INPP5J: variants seen among roughly 807,000 people sequenced by gnomAD.
INPP5J encodes phosphatidylinositol 4,5-bisphosphate 5-phosphatase A.
In INPP5J, 75 loss-of-function variants were observed where a neutral mutation model predicts 86.6. The observed-to-expected ratio is 0.87, with a 90% CI of 0.72 to 1.05. The LOEUF (loss-of-function observed/expected upper bound fraction) is 1.05, where lower values mean the gene tolerates loss of function less well. Among genes scored for constraint, INPP5J ranks in the 50% least tolerant of loss-of-function variants. The pLI is 0.00. For synonymous variants in INPP5J, 540 were observed against 550.0 expected, an observed-to-expected ratio of 0.98 and a Z score of 0.25; for missense variants, 1,229 against 1,341.2, an observed-to-expected ratio of 0.92 and a Z score of 1.31.
intron 2 of INPP5J, 95 bp from the exon 3 acceptor site, chr22:31,126,281 T>A: frequency 1.8e-6 from 2 of 1,084,364 alleles, no homozygotes; most frequent in Non-Finnish European, 2.7e-6. Context: ...GGCCCACACC[T>A]GCCTCCATTT....
chr22:31,132,169 A>C (rs1922115801), intron 9 of INPP5J, among the ~76,000 whole-genome samples: 2 of 152,168 alleles, frequency 1.3e-5, no homozygotes, highest in African/African-American at 2.4e-5. Flanking sequence ...GAACCTTGGG[A>C]TGGTTAGAGC....
Position 31,132,940 on chromosome 22 carries a change from C to G in INPP5J, c.2194-158C>G, listed in dbSNP as rs138387555. ...CCCTGGGCTGGGAGGCAGCACAGGGCTTGGTATTTATACTAGACCTGTTCT... is the reference window on the plus strand; with the variant it reads ...CCCTGGGCTGGGAGGCAGCACAGGGGTTGGTATTTATACTAGACCTGTTCT... On this transcript the variant is annotated intron_variant, in intron 9 of 12. Coordinates refer to ENST00000331075, the MANE Select transcript of INPP5J (RefSeq NM_001284285.2). Among the ~76,000 whole-genome samples, 301 of 152,256 alleles carry G rather than the reference C, an allele frequency of 2.0e-3. 2 individuals are homozygous for G. Among genetic ancestry groups the G allele is most frequent in the African/African-American group, 7.1e-3 (295 of 41,548 alleles).
At position 31,128,276 on chromosome 22, in the gene INPP5J, C is replaced by T. The variant is rs752045156; in HGVS notation, c.1962C>T (p.Phe654=). Residue 654 remains phenylalanine (F), a synonymous_variant, in exon 8 of 13, where the codon TTC becomes TTT. Coordinates refer to ENST00000331075, the MANE Select transcript of INPP5J (RefSeq NM_001284285.2). ...LKGFQEGPLN[F]APTFKFDVGT... ...GCTTTCAGGAGGGGCCCCTCAACTT[C>T]GCTCCCACCTTCAAGTTTGATGTGG... 5.0e-6 allele frequency: 8 copies of T among 1,600,740 alleles called. No individual in the cohort carries two copies. The highest frequency in any genetic ancestry group is 2.3e-5 in the East Asian group (1 of 44,394).
chr22:31,128,736 A>G, intron 9 of INPP5J, 82 bp downstream of exon 9: 3 of 1,240,200 alleles, frequency 2.4e-6, no homozygotes, highest in Non-Finnish European at 3.4e-6. Flanking sequence ...TACCCTTTGT[A>G]TAACCCCTTG....
intron 6 of INPP5J, 153 bp downstream of exon 6, chr22:31,127,685 TGGATGGGGAG>T: frequency 1.2e-6 from 1 of 857,460 alleles, no homozygotes; most frequent in Non-Finnish European, 1.8e-6. Flanking sequence ...AGAGAGCAGT[TGGATGGGGAG>T]GGGCGGAGCT....
At position 31,133,416 on chromosome 22, in the gene INPP5J, G is replaced by T; in HGVS notation, c.2342G>T (p.Arg781Leu). Reference protein sequence around the residue: ...DWIGLYRVGFRHCKDYVAYVW... With the variant: ...DWIGLYRVGFLHCKDYVAYVW... The stretch of plus-strand genomic sequence containing the variant: ...ACACTGATCCCCCAGGTGGGTTTCC[G>T]CCATTGCAAGGACTATGTGGCTTAT... Residue 781 changes from arginine (R) to leucine (L), a missense_variant, in exon 11 of 13, where the codon CGC (arginine) becomes CTC (leucine). Arg to Leu is a moderately radical substitution (Grantham distance 102). Coordinates refer to ENST00000331075, the MANE Select transcript of INPP5J (RefSeq NM_001284285.2). 6.2e-7 allele frequency: 1 copy of T among 1,613,846 alleles called. No individual in the cohort carries two copies. The highest frequency in any genetic ancestry group is 8.5e-7 in the Non-Finnish European group (1 of 1,179,810).
intron 9 of INPP5J, among the ~76,000 whole-genome samples, chr22:31,131,529 C>T (rs1922062192): frequency 6.6e-6 from 1 of 151,672 alleles, no homozygotes; most frequent in Admixed American, 6.6e-5. Context: ...CACCACTGCA[C>T]TCCAGCCTGG....
Position 31,125,111 on chromosome 22 carries a change from T to TC in INPP5J, c.377dup (p.Ala127SerfsTer66). ...TGTCTGCCTCAGCTGGACCAAAGCC[T>TC]CCCCCAGCGACCACAGGCTCAGTTC... is the stretch of plus-strand genomic sequence containing the variant. On this transcript the variant is annotated frameshift_variant, in exon 2 of 13. Coordinates refer to ENST00000331075, the MANE Select transcript of INPP5J (RefSeq NM_001284285.2). LOFTEE classifies it high-confidence loss of function. 1 of 1,549,664 alleles carries TC rather than the reference T, an allele frequency of 6.5e-7. No individual in the cohort carries two copies. Among genetic ancestry groups the TC allele is most frequent in the Non-Finnish European group, 8.7e-7 (1 of 1,146,926 alleles).
At position 31,134,537 on chromosome 22, in the gene INPP5J, C is replaced by T; in HGVS notation, c.*118C>T. 1 of 1,135,840 alleles carries T rather than the reference C, an allele frequency of 8.8e-7. No homozygotes were observed. Among genetic ancestry groups the T allele is most frequent in the Non-Finnish European group, 1.2e-6 (1 of 849,446 alleles). The allele number at this position is 1,135,840 out of a possible 1,614,324, so 70.4% of individuals were successfully genotyped here. The stretch of plus-strand genomic sequence containing the variant: ...ATCTGCACCTGCCTCTCTGTCCTGG[C>T]CAGGGGTGGACAACTGGGGTCCCCC... On this transcript the variant is annotated 3_prime_UTR_variant, in exon 13 of 13. Transcript: ENST00000331075.
intron 2 of INPP5J, 77 bp downstream of exon 2, chr22:31,126,087 G>T (rs1442925723): frequency 7.6e-7 from 1 of 1,308,028 alleles, no homozygotes; most frequent in East Asian, 2.5e-5. Flanking sequence ...TGGATGGTGT[G>T]CTCTACCTCA....
rs1422914563 is a variant in INPP5J, at chr22:31,126,704, C to T, written c.1477C>T (p.Pro493Ser). Residue 493 changes from proline to serine, a missense_variant, in exon 4 of 13, where the codon CCC (proline) becomes TCC (serine). By Grantham distance (74) the Pro-to-Ser change is moderately conservative. Transcript: ENST00000331075. ...TGAGCTGTTCATGGATGCGCTAGGG[C>T]CCTTCAACTTCGTGCTGGTAACGCA... ...WSELFMDALG[P>S]FNFVLVSSVR... 6.2e-7 allele frequency: 1 copy of T among 1,613,472 alleles called. No homozygotes were observed. The highest frequency in any genetic ancestry group is 8.5e-7 in the Non-Finnish European group (1 of 1,179,420).
In INPP5J at chr22:31,125,609, C is replaced by T. The variant is rs41282561; in HGVS notation, c.870C>T (p.Ser290=). 4 of 1,550,554 alleles carry T rather than the reference C, an allele frequency of 2.6e-6. No individual in the cohort carries two copies. Among genetic ancestry groups the T allele is most frequent in the Non-Finnish European group, 3.5e-6 (4 of 1,146,992 alleles). ...GAGCCCGGCCTGAGGCCCTCCACAG[C>T]AGCCCTGAGGATCCTGTTTTGCCAC... is the stretch of plus-strand genomic sequence containing the variant. ...SFRARPEALH[S]SPEDPVLPRP... The change falls in exon 2 of 13, where the codon AGC becomes AGT. Residue 290 remains serine, a synonymous_variant. Transcript: ENST00000331075.
At position 31,128,288 on chromosome 22, in the gene INPP5J, C is replaced by G. The variant is rs767684962; in HGVS notation, c.1974C>G (p.Phe658Leu). The change falls in exon 8 of 13, where the codon TTC becomes TTG. Residue 658 changes from phenylalanine to leucine, a missense_variant. Physicochemically the swap from Phe to Leu is conservative, Grantham distance 22. Transcript: ENST00000331075. ...QEGPLNFAPT[F>L]KFDVGTNKYD... ...GGCCCCTCAACTTCGCTCCCACCTT[C>G]AAGTTTGATGTGGGTACCAACAAAT... 3.1e-6 allele frequency: 5 copies of G among 1,598,842 alleles called. No individual in the cohort carries two copies. The Admixed American group carries it at 8.7e-5, about 28-fold the overall frequency.
chr22:31,126,502 G>A lies in INPP5J; in HGVS notation c.1385+13G>A, dbSNP rs370645802. 3.9e-5 allele frequency: 63 copies of A among 1,611,746 alleles called. No individual in the cohort carries two copies. Among genetic ancestry groups the A allele is most frequent in the Non-Finnish European group, 3.1e-5 (37 of 1,178,362 alleles). On this transcript the variant is annotated intron_variant, in intron 3 of 12. Coordinates refer to ENST00000331075, the MANE Select transcript of INPP5J (RefSeq NM_001284285.2). ...TGATCGCCATAGGGTGAGGTGGCAG[G>A]GCATGTGGACCCCCTCCTGAGCCCC...
chr22:31,126,353 C>T (rs769149317), intron 2 of INPP5J, 23 bp from the exon 3 acceptor site: 5 of 1,570,398 alleles, frequency 3.2e-6, no homozygotes, highest in Non-Finnish European at 3.5e-6. Flanking sequence ...CAGGACTACA[C>T]CCTCATATGC....
rs1922435115 is a variant in INPP5J, at chr22:31,134,656, A to G, written c.*237A>G. ...TGGGAGAGCTCTGGCAGATGTCCCA[A>G]TCCTGGAGGTCATCCATTAGGAATT... On this transcript the variant is annotated 3_prime_UTR_variant, in exon 13 of 13. Coordinates refer to ENST00000331075, the MANE Select transcript of INPP5J (RefSeq NM_001284285.2). 2.4e-6 allele frequency: 1 copy of G among 411,882 alleles called. No individual in the cohort carries two copies. The allele number at this position is 411,882 out of a possible 1,614,324, so 25.5% of individuals were successfully genotyped here.
intron 9 of INPP5J, among the ~76,000 whole-genome samples, chr22:31,131,576 A>C (rs1204295981): frequency 6.6e-6 from 1 of 152,066 alleles, no homozygotes; most frequent in Non-Finnish European, 1.5e-5. Flanking sequence ...AAAAAAAAAA[A>C]AATTCCCATT....
At position 31,125,113 on chromosome 22, in the gene INPP5J, C is replaced by T; in HGVS notation, c.374C>T (p.Pro125Leu). The T allele has an allele frequency of 1.3e-6, 2 of 1,550,000 alleles. No homozygotes were observed. The highest frequency in any genetic ancestry group is 1.7e-6 in the Non-Finnish European group (2 of 1,146,978). The change falls in exon 2 of 13, where the codon CCC (proline) becomes CTC (leucine). Residue 125 changes from proline (P) to leucine (L), a missense_variant. Transcript: ENST00000331075. ...VMSASAGPKP[P>L]PATTGSVLAP... Reference sequence around the variant, plus strand: ...TCTGCCTCAGCTGGACCAAAGCCTCCCCCAGCGACCACAGGCTCAGTTCTG... The same window carrying T: ...TCTGCCTCAGCTGGACCAAAGCCTCTCCCAGCGACCACAGGCTCAGTTCTG...
chr22:31,126,651 A>T lies in INPP5J; in HGVS notation c.1424A>T (p.Lys475Met). 6.2e-7 allele frequency: 1 copy of T among 1,613,922 alleles called. No homozygotes were observed. ...AACTCCATGCTCAACAAGCGACTCA[A>T]GGACGCCCTCTTCACGGACCAGTGG... ...EVNSMLNKRLKDALFTDQWSE... is the reference protein window; with the variant it reads ...EVNSMLNKRLMDALFTDQWSE... The change falls in exon 4 of 13, where the codon AAG becomes ATG. Residue 475 changes from lysine (K) to methionine (M), a missense_variant. Physicochemically the swap from Lys to Met is moderately conservative, Grantham distance 95. Transcript: ENST00000331075.
Sources: gnomAD v4.1 joint callset for allele counts (sites outside exome capture counted in the v4.1 genomes callset) on GRCh38, gnomAD v4.1.1 for gene constraint, MANE v1.5 for transcripts, NCBI Gene and HGNC (gene_info 2026-07-23, HGNC 2026-07-21) for gene names.